OCA2: variants seen among roughly 807,000 people sequenced by gnomAD.
OCA2 encodes OCA2 melanosomal transmembrane protein.
In OCA2, 77 loss-of-function variants were observed where a neutral mutation model predicts 100.2. The observed-to-expected ratio is 0.77, with a 90% CI of 0.64 to 0.93. The LOEUF (loss-of-function observed/expected upper bound fraction) is 0.93. Among genes scored for constraint, OCA2 ranks in the 40% least tolerant of loss-of-function variants. The pLI, the probability that OCA2 is intolerant of heterozygous loss-of-function variation, is 0.00. For synonymous variants in OCA2, 432 were observed against 439.2 expected, an observed-to-expected ratio of 0.98 and a Z score of 0.21; for missense variants, 1,062 against 1,089.1, an observed-to-expected ratio of 0.98 and a Z score of 0.35.
At chr15:28,028,103 T>C in intron 3 of OCA2, 44 bp from the exon 4 acceptor site, 1 of 1,606,722 alleles carries the variant, frequency 6.2e-7, no homozygotes, top group Non-Finnish European at 8.5e-7. Context: ...GAAATAGTAA[T>C]GGCTACAAAG....
chr15:27,863,150 C>T (rs1343954686), intron 21 of OCA2, among the ~76,000 whole-genome samples: 1 of 152,034 alleles, frequency 6.6e-6, no homozygotes, highest in Non-Finnish European at 1.5e-5. Flanking sequence ...GCAGAGGTGA[C>T]CTAGGCAGAT....
intron 2 of OCA2, among the ~76,000 whole-genome samples, chr15:28,034,532 T>C (rs1242511606): frequency 1.3e-5 from 2 of 152,056 alleles, no homozygotes; most frequent in Non-Finnish European, 2.9e-5. Flanking sequence ...TCTCAGCACT[T>C]TGGGAGGCCA....
chr15:27,858,388 GAA>G (rs200488887), intron 21 of OCA2, among the ~76,000 whole-genome samples: 49 of 49,388 alleles, frequency 9.9e-4, no homozygotes, highest in African/African-American at 2.8e-3. Context: ...AAGAAAGAAA[GAA>G]AAAAAAAAAA....
intron 14 of OCA2, among the ~76,000 whole-genome samples, 165 bp from the exon 15 acceptor site, chr15:27,966,987 G>C (rs1184428947): frequency 2.6e-5 from 4 of 152,154 alleles, no homozygotes; most frequent in African/African-American, 9.7e-5. Flanking sequence ...AAAATTAACT[G>C]GGCGTGGTGG....
At chr15:27,854,961 T>C (rs570733912) in intron 21 of OCA2, among the ~76,000 whole-genome samples, 13 of 152,316 alleles carry the variant, frequency 8.5e-5, no homozygotes, top group African/African-American at 3.1e-4. Flanking sequence ...TTCCAGCAAG[T>C]GCTCCTGTGC....
At chr15:27,877,281 A>G (rs1397583539) in intron 19 of OCA2, among the ~76,000 whole-genome samples, 4 of 151,964 alleles carry the variant, frequency 2.6e-5, no homozygotes, top group Non-Finnish European at 4.4e-5. Context: ...CCGTGCACGC[A>G]TGACAAGATT....
At chr15:27,967,041 A>G (rs1336945719) in intron 14 of OCA2, among the ~76,000 whole-genome samples, 1 of 152,200 alleles carries the variant, frequency 6.6e-6, no homozygotes, top group African/African-American at 2.4e-5. Context: ...GAGGCAGGAG[A>G]ATGGCGTGAA....
intron 23 of OCA2, among the ~76,000 whole-genome samples, chr15:27,796,747 A>G (rs2033357640): frequency 6.6e-6 from 1 of 152,160 alleles, no homozygotes; most frequent in Non-Finnish European, 1.5e-5. Flanking sequence ...TTGGAAGCAA[A>G]CACCATCAGC....
At chr15:27,885,880 T>G (rs954465482) in intron 19 of OCA2, among the ~76,000 whole-genome samples, 1 of 152,204 alleles carries the variant, frequency 6.6e-6, no homozygotes, top group Admixed American at 6.5e-5. Context: ...GAGAAAAAGT[T>G]TATATATTCA....
At chr15:28,003,492 G>A (rs924390380) in intron 9 of OCA2, among the ~76,000 whole-genome samples, 1 of 152,012 alleles carries the variant, frequency 6.6e-6, no homozygotes, top group Non-Finnish European at 1.5e-5. Flanking sequence ...CAAGAAGCCA[G>A]GAGATGTTAC....
At chr15:27,965,325 T>C (rs1291157164) in intron 15 of OCA2, among the ~76,000 whole-genome samples, 1 of 152,216 alleles carries the variant, frequency 6.6e-6, no homozygotes, top group East Asian at 1.9e-4. Flanking sequence ...TATAAAACAT[T>C]CTAAACACCT....
intron 3 of OCA2, among the ~76,000 whole-genome samples, chr15:28,030,675 G>A (rs1022532736): frequency 2.0e-5 from 3 of 152,196 alleles, no homozygotes; most frequent in African/African-American, 7.2e-5. Context: ...GGAGAGAGGA[G>A]GCAGCTCCTC....
At chr15:27,774,795 C>G (rs1342280794) in intron 23 of OCA2, among the ~76,000 whole-genome samples, 2 of 152,100 alleles carry the variant, frequency 1.3e-5, no homozygotes, top group Non-Finnish European at 2.9e-5. Context: ...GGCAGCCGGA[C>G]GCACAGAGGA....
At chr15:27,752,867 C>G (rs2030120157), downstream of OCA2, among the ~76,000 whole-genome samples, 1 of 148,602 alleles carries the variant, frequency 6.7e-6, no homozygotes, top group Admixed American at 6.8e-5. Context: ...TGCACCATCC[C>G]TGGCTGCAGT....
At chr15:28,024,741 C>A in intron 5 of OCA2, 104 bp downstream of exon 5, 1 of 1,191,836 alleles carries the variant, frequency 8.4e-7, no homozygotes, top group Non-Finnish European at 1.3e-6. Context: ...GCGAAGAGGG[C>A]CAGGCACTGA....
At chr15:28,088,533 G>A (rs895488045) in intron 1 of OCA2, among the ~76,000 whole-genome samples, 3 of 152,092 alleles carry the variant, frequency 2.0e-5, no homozygotes, top group East Asian at 3.9e-4. Context: ...TTTCATGTAG[G>A]TTCTTTTCTA....
chr15:27,739,571 G>A, the OCA2 span, among the ~76,000 whole-genome samples: 10 of 148,214 alleles, frequency 6.7e-5, no homozygotes, highest in South Asian at 1.3e-3. Flanking sequence ...TCAGCCTCCC[G>A]AGTAGCTGGA....
At chr15:27,850,069 C>T (rs147295983) in intron 22 of OCA2, among the ~76,000 whole-genome samples, 35 of 152,262 alleles carry the variant, frequency 2.3e-4, no homozygotes, top group African/African-American at 8.4e-4. Context: ...TAGGAATTAG[C>T]CTATAAATGG....
chr15:27,871,585 T>C (rs1385441743), intron 20 of OCA2, among the ~76,000 whole-genome samples: 1 of 152,218 alleles, frequency 6.6e-6, no homozygotes, highest in Non-Finnish European at 1.5e-5. Context: ...CTGGGGCGCC[T>C]GCAGCACTCA....
Sources: gnomAD v4.1 joint callset for allele counts (sites outside exome capture counted in the v4.1 genomes callset) on GRCh38, gnomAD v4.1.1 for gene constraint, MANE v1.5 for transcripts, NCBI Gene and HGNC (gene_info 2026-07-23, HGNC 2026-07-21) for gene names.